The following SMC3 variants were observed in gnomAD, a reference collection of about 807,000 sequenced individuals.
SMC3 encodes the protein structural maintenance of chromosomes 3.
A neutral mutation model predicts 171.8 loss-of-function variants in SMC3; 20 were observed. The observed-to-expected ratio is 0.12, with a 90% CI of 0.08 to 0.17. The LOEUF (loss-of-function observed/expected upper bound fraction) is 0.17. Among genes scored for constraint, SMC3 ranks in the 10% least tolerant of loss-of-function variants. The pLI, the probability that SMC3 is intolerant of heterozygous loss-of-function variation, is 1.00. For missense variants in SMC3, 543 were observed against 1,420.4 expected (o/e 0.38, Z 9.93); for synonymous variants, 464 against 451.1 (o/e 1.03, Z -0.36).
chr10:110,568,864 A>G (rs2134707239), intron 1 of SMC3, 74 bp from the exon 2 acceptor site: 1 of 860,108 alleles, frequency 1.2e-6, no homozygotes, highest in Non-Finnish European at 1.9e-6. Context: ...AATGAAAAAC[A>G]AGAAAGAAAT....
In SMC3 at chr10:110,569,776, G is replaced by C. The variant is rs561439586; in HGVS notation, c.91+763G>C. On this transcript the variant is annotated intron_variant, in intron 2 of 28. Coordinates refer to ENST00000361804, the MANE Select transcript of SMC3 (RefSeq NM_005445.4). The stretch of plus-strand genomic sequence containing the variant: ...AACCTTATGTAAGTGTGAAGATAAA[G>C]AGCTAATGGTGATTGCCATTAACAA... 1.2e-4 allele frequency among the ~76,000 whole-genome samples: 18 copies of C among 152,356 alleles called. No individual in the cohort carries two copies. The East Asian group carries it at 3.5e-3, about 29-fold the overall frequency.
intron 23 of SMC3, among the ~76,000 whole-genome samples, chr10:110,601,335 A>G (rs1337104554): frequency 1.3e-5 from 2 of 152,250 alleles, no homozygotes; most frequent in African/African-American, 4.8e-5. Flanking sequence ...TTTTGAGACC[A>G]TAAATGATTC....
At chr10:110,577,541 CTGATTTTCTTCATACTT>C (rs1392245607) in intron 5 of SMC3, 49 bp downstream of exon 5, 2 of 1,305,584 alleles carry the variant, frequency 1.5e-6, no homozygotes, top group Non-Finnish European at 2.2e-6. Context: ...ATTGGTTTAG[CTGATTTTCTTCATACTT>C]TGAAACTTTT....
intron 18 of SMC3, among the ~76,000 whole-genome samples, chr10:110,595,917 CTTTTTTTTT>C (rs10639343): frequency 9.8e-6 from 1 of 101,612 alleles, no homozygotes; most frequent in African/African-American, 4.0e-5. Context: ...ACTGGAGGTT[CTTTTTTTTT>C]TTTTTTTTTT....
At chr10:110,594,612 T>C (rs989345440) in intron 18 of SMC3, among the ~76,000 whole-genome samples, 23 of 152,172 alleles carry the variant, frequency 1.5e-4, no homozygotes, top group Admixed American at 3.3e-4. Flanking sequence ...ATTTTATCTT[T>C]GAAATCCAGG....
chr10:110,576,133 T>A (rs1460998251), intron 4 of SMC3, among the ~76,000 whole-genome samples: 4 of 152,188 alleles, frequency 2.6e-5, no homozygotes, highest in Admixed American at 6.5e-5. Context: ...TTGAGCAAAA[T>A]GATCTAACAC....
intron 17 of SMC3, 34 bp from the exon 18 acceptor site, chr10:110,593,039 T>C: frequency 1.3e-6 from 2 of 1,564,966 alleles, no homozygotes; most frequent in South Asian, 2.2e-5. Flanking sequence ...TTAACTGTGT[T>C]GTGATCTCTC....
chr10:110,597,627 A>G (rs1346307160), intron 19 of SMC3, among the ~76,000 whole-genome samples: 1 of 152,244 alleles, frequency 6.6e-6, no homozygotes, highest in East Asian at 1.9e-4. Context: ...TGAATTTGGC[A>G]AGATGTTAAC....
chr10:110,575,236 C>CT, intron 3 of SMC3, 100 bp from the exon 4 acceptor site: 1 of 839,940 alleles, frequency 1.2e-6, no homozygotes, highest in South Asian at 1.4e-5. Flanking sequence ...TTTGCATTGT[C>CT]TATTACCAGA....
intron 18 of SMC3, among the ~76,000 whole-genome samples, chr10:110,593,606 T>G (rs1450345373): frequency 1.3e-5 from 2 of 151,982 alleles, no homozygotes; most frequent in Admixed American, 1.3e-4. Context: ...GTATAATATG[T>G]CAGTTGAGCT....
intron 15 of SMC3, among the ~76,000 whole-genome samples, chr10:110,590,201 C>T (rs1861183985): frequency 6.6e-6 from 1 of 152,092 alleles, no homozygotes; most frequent in Non-Finnish European, 1.5e-5. Context: ...ATAAAGAGCC[C>T]ATTTTTAACA....
At chr10:110,593,319 C>A in intron 18 of SMC3, 96 bp downstream of exon 18, 2 of 1,297,722 alleles carry the variant, frequency 1.5e-6, no homozygotes, top group Non-Finnish European at 2.2e-6. Flanking sequence ...TGCCTGTAAT[C>A]CCAGCACTTT....
intron 13 of SMC3, among the ~76,000 whole-genome samples, chr10:110,588,364 C>T (rs1861157026): frequency 6.6e-6 from 1 of 152,102 alleles, no homozygotes; most frequent in Admixed American, 6.5e-5. Flanking sequence ...GACTTTTGTC[C>T]ATTAAAATTT....
chr10:110,593,424 T>A (rs1861239136), intron 18 of SMC3, among the ~76,000 whole-genome samples: 1 of 151,942 alleles, frequency 6.6e-6, no homozygotes, highest in Non-Finnish European at 1.5e-5. Flanking sequence ...ATACAAAGAT[T>A]AGCTGGGTGT....
chr10:110,573,861 A>G (rs942771405), intron 3 of SMC3, 116 bp downstream of exon 3: 13 of 762,390 alleles, frequency 1.7e-5, no homozygotes, highest in Non-Finnish European at 2.1e-5. Context: ...AATACTTTAT[A>G]TGGGGTTGCA....
chr10:110,592,868 C>A (rs1861230313), intron 17 of SMC3, among the ~76,000 whole-genome samples: 1 of 152,204 alleles, frequency 6.6e-6, no homozygotes, highest in Non-Finnish European at 1.5e-5. Context: ...TTAGGCTCTA[C>A]TATTGAAAAC....
chr10:110,583,379 A>T lies in SMC3; in HGVS notation c.805-5A>T. The T allele has an allele frequency of 6.2e-7, 1 of 1,611,342 alleles. No homozygotes were observed. On this transcript the variant is annotated splice_polypyrimidine_tract_variant and splice_region_variant and intron_variant, in intron 10 of 28. Coordinates refer to ENST00000361804, the MANE Select transcript of SMC3 (RefSeq NM_005445.4). ...CCTTATTTTCTGTTTAATACTTTTG[A>T]ATAGGATATCGAACGCCAAGTTAGA...
At chr10:110,585,339 G>A (rs1170047165) in intron 13 of SMC3, among the ~76,000 whole-genome samples, 1 of 146,406 alleles carries the variant, frequency 6.8e-6, no homozygotes, top group Non-Finnish European at 1.5e-5. Flanking sequence ...ACCCAGTCTG[G>A]AGTGCAGTGG....
intron 13 of SMC3, among the ~76,000 whole-genome samples, chr10:110,587,417 T>TA (rs1005310572): frequency 2.0e-5 from 3 of 152,264 alleles, no homozygotes; most frequent in African/African-American, 7.2e-5. Flanking sequence ...CGCAGTGGCT[T>TA]ACGCCTGTAA....
Sources: gnomAD v4.1 joint callset for allele counts (sites outside exome capture counted in the v4.1 genomes callset) on GRCh38, gnomAD v4.1.1 for gene constraint, MANE v1.5 for transcripts, NCBI Gene and HGNC (gene_info 2026-07-23, HGNC 2026-07-21) for gene names.